Variants in SLC27A4 observed in about 807,000 individuals in gnomAD.
The protein encoded by SLC27A4 is long-chain fatty acid transport protein 4.
In SLC27A4, 33 loss-of-function variants were observed where a neutral mutation model predicts 64.4. The ratio of observed to expected loss-of-function variants is 0.51; its 90% CI spans 0.39 to 0.68. The LOEUF (loss-of-function observed/expected upper bound fraction) is 0.68. Among genes scored for constraint, SLC27A4 ranks in the 30% least tolerant of loss-of-function variants. The probability of loss-of-function intolerance (pLI) is 0.00; values close to 1 mark genes in which losing one functional copy is unlikely to be tolerated. For synonymous variants in SLC27A4, 377 were observed against 370.0 expected, an observed-to-expected ratio of 1.02 and a Z score of -0.22; for missense variants, 824 against 883.5, an observed-to-expected ratio of 0.93 and a Z score of 0.85.
chr9:128,348,472 C>T (rs943349778), intron 3 of SLC27A4, 73 bp from the exon 4 acceptor site: 2 of 1,582,706 alleles, frequency 1.3e-6, no homozygotes, highest in Admixed American at 3.3e-5. Flanking sequence ...CATGGCCAGC[C>T]CTGCTGGGAG....
In SLC27A4 at chr9:128,353,358, T is replaced by C; in HGVS notation, c.1198-57T>C. ...GTGCTGGAGTCCCACTTCCCCCTCA[T>C]TGTCCAGTTTTGGGCCCATGGTGAG... On this transcript the variant is annotated intron_variant, in intron 8 of 12. Coordinates refer to ENST00000300456, the MANE Select transcript of SLC27A4 (RefSeq NM_005094.4). This position sits in a 1 kb window ranked among gnomAD's most constrained non-coding sequence, Gnocchi z 4.9. The C allele has an allele frequency of 1.9e-6, 3 of 1,613,938 alleles. No homozygotes were observed. Among genetic ancestry groups the C allele is most frequent in the South Asian group, 2.2e-5 (2 of 91,076 alleles).
intron 1 of SLC27A4, chr9:128,342,076 C>T (rs775714621): frequency 2.6e-5 from 17 of 654,214 alleles, no homozygotes; most frequent in Non-Finnish European, 4.4e-5. Flanking sequence ...CCCAGGCCAT[C>T]CGGTTTTAGG....
At chr9:128,344,461 A>G (rs1420474761) in intron 2 of SLC27A4, among the ~76,000 whole-genome samples, 1 of 151,958 alleles carries the variant, frequency 6.6e-6, no homozygotes, top group Non-Finnish European at 1.5e-5. Flanking sequence ...GGAGGTTGCA[A>G]TGAGCTGACA....
At chr9:128,357,469 C>T (rs183405700) in intron 12 of SLC27A4, among the ~76,000 whole-genome samples, 1 of 152,052 alleles carries the variant, frequency 6.6e-6, no homozygotes, top group Non-Finnish European at 1.5e-5. Flanking sequence ...AGGTGGGAAC[C>T]TGGTCAGACT....
At chr9:128,352,962 G>C in intron 7 of SLC27A4, 63 bp from the exon 8 acceptor site, 2 of 1,424,604 alleles carry the variant, frequency 1.4e-6, no homozygotes, top group Non-Finnish European at 2.0e-6. Context: ...TGAGGGATCA[G>C]GAGAATCCTA....
At position 128,360,740 on chromosome 9, in the gene SLC27A4, A is replaced by G. The variant is rs145075109; in HGVS notation, c.*249A>G. 0.016 allele frequency: 8,241 copies of G among 530,446 alleles called. 95 individuals are homozygous for G. The highest frequency in any genetic ancestry group is 0.021 in the Non-Finnish European group (6,017 of 292,592). The allele number at this position is 530,446 out of a possible 1,614,324, so 32.9% of individuals were successfully genotyped here. On this transcript the variant is annotated 3_prime_UTR_variant, in exon 13 of 13. Coordinates refer to ENST00000300456, the MANE Select transcript of SLC27A4 (RefSeq NM_005094.4). ...CAGGCCCTCTGGTTCCCAGGCTGAG[A>G]CTGACGGGTTTTCTCAGGATGATGT...
chr9:128,360,050 C>G (rs1678608196), intron 12 of SLC27A4, among the ~76,000 whole-genome samples: 1 of 152,222 alleles, frequency 6.6e-6, no homozygotes, highest in African/African-American at 2.4e-5. Context: ...ACTCTGCTGT[C>G]ACTCAGCATG....
chr9:128,345,188 G>A lies in SLC27A4; in HGVS notation c.195G>A (p.Lys65=). Residue 65 remains lysine, a synonymous_variant, in exon 3 of 13, where the codon AAG becomes AAA. Transcript: ENST00000300456. The surrounding 1 kb of genome is among the most constrained non-coding windows in gnomAD (Gnocchi z 4.1). The part of the protein sequence containing the change: ...GGLVLLKVKA[K]VRQCLQERRT... Reference sequence around the variant, plus strand: ...TGGTCCTCCTGAAGGTGAAGGCAAAGGTGCGACAGTGCCTGCAGGAGCGGC... The same window carrying A: ...TGGTCCTCCTGAAGGTGAAGGCAAAAGTGCGACAGTGCCTGCAGGAGCGGC... The A allele has an allele frequency of 6.2e-7, 1 of 1,613,496 alleles. No homozygotes were observed. Among genetic ancestry groups the A allele is most frequent in the South Asian group, 1.1e-5 (1 of 91,078 alleles).
At chr9:128,342,388 G>A (rs2131248631) in intron 1 of SLC27A4, 1 of 1,608,856 alleles carries the variant, frequency 6.2e-7, no homozygotes, top group Non-Finnish European at 8.5e-7. Flanking sequence ...CCGCCAATAT[G>A]CATTGTACAT....
chr9:128,353,510 G>T lies in SLC27A4; in HGVS notation c.1293G>T (p.Gly431=), dbSNP rs372416208. 16 of 1,613,974 alleles carry T rather than the reference G, an allele frequency of 9.9e-6. 1 individual carries two copies. Among genetic ancestry groups the T allele is most frequent in the South Asian group, 3.3e-5 (3 of 91,090 alleles). The change falls in exon 9 of 13, where the codon GGG becomes GGT. Residue 431 remains glycine (G), a synonymous_variant. Transcript: ENST00000300456. The surrounding 1 kb of genome is among the most constrained non-coding windows in gnomAD (Gnocchi z 4.9). The stretch of plus-strand genomic sequence containing the variant: ...AGGACACCATGGAGCTGATCCGGGG[G>T]CCCGACGGCGTCTGCATTCCCTGCC... ...VNEDTMELIR[G]PDGVCIPCQP...
chr9:128,347,099 G>A (rs1041300224), intron 3 of SLC27A4, among the ~76,000 whole-genome samples: 1 of 152,244 alleles, frequency 6.6e-6, no homozygotes, highest in Non-Finnish European at 1.5e-5. Flanking sequence ...TAATTAGGCC[G>A]TATCTAGCTC....
intron 2 of SLC27A4, 104 bp downstream of exon 2, chr9:128,343,397 G>A: frequency 7.2e-7 from 1 of 1,379,646 alleles, no homozygotes; most frequent in Non-Finnish European, 1.0e-6. Flanking sequence ...CCAGCACAGG[G>A]CAGCTGAGCT....
At chr9:128,350,119 G>T (rs1441006064) in intron 4 of SLC27A4, among the ~76,000 whole-genome samples, 193 bp from the exon 5 acceptor site, 8 of 152,236 alleles carry the variant, frequency 5.3e-5, no homozygotes, top group Non-Finnish European at 1.0e-4. Context: ...CAGAGCAAGG[G>T]CCCAGGAAAT....
intron 12 of SLC27A4, among the ~76,000 whole-genome samples, chr9:128,359,628 T>TAAAG (rs895830442): frequency 4.6e-5 from 7 of 151,422 alleles, no homozygotes; most frequent in Non-Finnish European, 1.0e-4. Context: ...CCGTCTCCAA[T>TAAAG]AAAGAAAGAA....
intron 1 of SLC27A4, chr9:128,342,053 G>A (rs112700315): frequency 3.2e-4 from 187 of 592,862 alleles, no homozygotes; most frequent in African/African-American, 2.6e-3. Context: ...AGGCTCTTAA[G>A]TCAGTACCCA....
In SLC27A4 at chr9:128,360,411, C is replaced by G. The variant is rs773734372; in HGVS notation, c.1852C>G (p.Leu618Val). Residue 618 changes from leucine (L) to valine (V), a missense_variant, in exon 13 of 13, where the codon CTA (leucine) becomes GTA (valine). By Grantham distance (32) the Leu-to-Val change is conservative (BLOSUM62 1). Coordinates refer to ENST00000300456, the MANE Select transcript of SLC27A4 (RefSeq NM_005094.4). ...TATTGTGAAAGACCCGCTGTTCTATCTAGATGCCCAGAAGGGCCGCTACGT... is the reference window on the plus strand; with the variant it reads ...TATTGTGAAAGACCCGCTGTTCTATGTAGATGCCCAGAAGGGCCGCTACGT... ...PAIVKDPLFY[L>V]DAQKGRYVPL... 1.2e-6 allele frequency: 2 copies of G among 1,614,190 alleles called. No individual in the cohort carries two copies. The highest frequency in any genetic ancestry group is 1.7e-6 in the Non-Finnish European group (2 of 1,180,032).
chr9:128,357,449 G>A (rs1399755585), intron 12 of SLC27A4, among the ~76,000 whole-genome samples: 1 of 151,858 alleles, frequency 6.6e-6, no homozygotes, highest in Non-Finnish European at 1.5e-5. Context: ...CAAAAAAAAA[G>A]CATCTTAGCA....
intron 6 of SLC27A4, among the ~76,000 whole-genome samples, chr9:128,351,420 CTG>C (rs1281206936): frequency 6.6e-6 from 1 of 151,956 alleles, no homozygotes; most frequent in African/African-American, 2.4e-5. Flanking sequence ...GAGCGAGACA[CTG>C]TCTCAAAAAA....
At position 128,353,953 on chromosome 9, in the gene SLC27A4, C is replaced by T. The variant is rs575637242; in HGVS notation, c.1324+412C>T. Among the ~76,000 whole-genome samples the T allele has an allele frequency of 1.3e-5, 2 of 151,056 alleles. No individual in the cohort carries two copies. Among genetic ancestry groups the T allele is most frequent in the East Asian group, 1.9e-4 (1 of 5,138 alleles). On this transcript the variant is annotated intron_variant, in intron 9 of 12. Transcript: ENST00000300456. The surrounding 1 kb of genome is among the most constrained non-coding windows in gnomAD (Gnocchi z 4.9). Reference sequence around the variant, plus strand: ...AGAGACGGGGTTTCACCGTTTTAGCCGGGATGGTCTCGATCTCCTGACCTC... The same window carrying T: ...AGAGACGGGGTTTCACCGTTTTAGCTGGGATGGTCTCGATCTCCTGACCTC...
Sources: gnomAD v4.1 joint callset for allele counts (sites outside exome capture counted in the v4.1 genomes callset) on GRCh38, gnomAD v4.1.1 for gene constraint, Gnocchi (gnomAD v3.1) non-coding constraint, MANE v1.5 for transcripts, NCBI Gene and HGNC (gene_info 2026-07-23, HGNC 2026-07-21) for gene names.